FGGY: variants seen among roughly 807,000 people sequenced by gnomAD.
The protein encoded by FGGY is FGGY carbohydrate kinase domain-containing protein.
In FGGY, 72 loss-of-function variants were observed where a neutral mutation model predicts 71.3. That is an observed-to-expected ratio of 1.01 (90% CI 0.84 to 1.23). The LOEUF is 1.23. Ranked by LOEUF, FGGY falls within the 50% of genes most tolerant of loss-of-function variation. The pLI, the probability that FGGY is intolerant of heterozygous loss-of-function variation, is 0.00. For missense variants in FGGY, 668 were observed against 682.3 expected (o/e 0.98, Z 0.23); for synonymous variants, 251 against 250.3 (o/e 1.00, Z -0.02).
chr1:59,309,725 C>T (rs941922842), intron 1 of FGGY, among the ~76,000 whole-genome samples: 3 of 152,124 alleles, frequency 2.0e-5, no homozygotes, highest in Admixed American at 2.0e-4. Context: ...CCTGTAATCC[C>T]AGCACTTTGG....
At chr1:59,561,583 A>G (rs576375378) in intron 8 of FGGY, among the ~76,000 whole-genome samples, 1 of 152,346 alleles carries the variant, frequency 6.6e-6, no homozygotes, top group South Asian at 2.1e-4. Flanking sequence ...TGAGGAGATA[A>G]GCAGTAATAC....
chr1:59,299,337 C>G (rs565608385), intron 1 of FGGY, among the ~76,000 whole-genome samples: 13 of 152,260 alleles, frequency 8.5e-5, no homozygotes, highest in African/African-American at 2.9e-4. Flanking sequence ...CAGGAAGGGT[C>G]TGGTGAATCA....
intron 14 of FGGY, among the ~76,000 whole-genome samples, chr1:59,686,322 G>T (rs571254011): frequency 6.6e-6 from 1 of 152,118 alleles, no homozygotes; most frequent in African/African-American, 2.4e-5. Flanking sequence ...TACAAGCCTG[G>T]CATCAGAGAA....
At chr1:59,451,589 C>CT (rs2072741075) in intron 5 of FGGY, among the ~76,000 whole-genome samples, 1 of 152,008 alleles carries the variant, frequency 6.6e-6, no homozygotes, top group Non-Finnish European at 1.5e-5. Context: ...GAAAGGGTCT[C>CT]AGTGTCTACT....
At chr1:59,578,485 C>T (rs991574764) in intron 8 of FGGY, among the ~76,000 whole-genome samples, 1 of 152,100 alleles carries the variant, frequency 6.6e-6, no homozygotes, top group Admixed American at 6.6e-5. Flanking sequence ...GCCAGCAAGT[C>T]CCCTTCTTGA....
chr1:59,410,905 A>G (rs1247640440), intron 5 of FGGY, among the ~76,000 whole-genome samples: 1 of 152,244 alleles, frequency 6.6e-6, no homozygotes, highest in Non-Finnish European at 1.5e-5. Flanking sequence ...GAAGCATTAG[A>G]TTAATTTTAG....
intron 5 of FGGY, among the ~76,000 whole-genome samples, chr1:59,379,162 A>ACACACACACACAC (rs2059056932): frequency 7.0e-6 from 1 of 143,136 alleles, no homozygotes; most frequent in South Asian, 2.2e-4. Flanking sequence ...GGAAAAAATA[A>ACACACACACACAC]ACACACACAC....
intron 14 of FGGY, among the ~76,000 whole-genome samples, chr1:59,683,007 G>T (rs1573125609): frequency 1.3e-5 from 2 of 152,136 alleles, no homozygotes; most frequent in African/African-American, 2.4e-5. Context: ...CCACAGATGG[G>T]CCCTTTGAAT....
intron 7 of FGGY, among the ~76,000 whole-genome samples, chr1:59,536,031 A>G (rs1570867370): frequency 6.6e-6 from 1 of 151,428 alleles, no homozygotes; most frequent in East Asian, 1.9e-4. Context: ...TCAAAAAATT[A>G]ATGAATCCAG....
intron 4 of FGGY, among the ~76,000 whole-genome samples, chr1:59,371,147 G>T (rs1571159985): frequency 1.3e-5 from 2 of 152,280 alleles, no homozygotes; most frequent in South Asian, 4.2e-4. Context: ...TCAGTGTGTT[G>T]TATTCAGGAA....
At chr1:59,388,741 G>T (rs1415936759) in intron 5 of FGGY, among the ~76,000 whole-genome samples, 1 of 151,818 alleles carries the variant, frequency 6.6e-6, no homozygotes, top group Non-Finnish European at 1.5e-5. Context: ...AATGATTTTT[G>T]CAGATTACAT....
chr1:59,592,084 A>G (rs2096453034), intron 8 of FGGY, among the ~76,000 whole-genome samples: 2 of 152,208 alleles, frequency 1.3e-5, no homozygotes, highest in South Asian at 4.1e-4. Context: ...AACTCAAACA[A>G]ATTTACAAGA....
At chr1:59,553,063 C>T (rs1041476904) in intron 7 of FGGY, among the ~76,000 whole-genome samples, 15 of 152,058 alleles carry the variant, frequency 9.9e-5, no homozygotes, top group African/African-American at 3.1e-4. Context: ...GGCCTGACAG[C>T]GAGGTTGGGG....
chr1:59,743,196 C>T (rs1049776886), intron 14 of FGGY, among the ~76,000 whole-genome samples: 1 of 152,130 alleles, frequency 6.6e-6, no homozygotes, highest in African/African-American at 2.4e-5. Flanking sequence ...TACTTAAGGC[C>T]TTCAGATATG....
At chr1:59,655,052 G>A (rs985582031) in intron 11 of FGGY, among the ~76,000 whole-genome samples, 1 of 151,666 alleles carries the variant, frequency 6.6e-6, no homozygotes, top group Non-Finnish European at 1.5e-5. Context: ...TCCCAGCGCT[G>A]ATGAGCAACT....
At chr1:59,373,682 C>G (rs866006331) in intron 4 of FGGY, among the ~76,000 whole-genome samples, 4,241 of 152,182 alleles carry the variant, frequency 0.028, 197 homozygotes, top group African/African-American at 0.097. Context: ...GTAACCAAAA[C>G]AGCATGGTAC....
intron 8 of FGGY, among the ~76,000 whole-genome samples, chr1:59,561,480 T>A (rs2095792677): frequency 6.6e-6 from 1 of 152,176 alleles, no homozygotes; most frequent in Non-Finnish European, 1.5e-5. Context: ...AGCTTGTTTT[T>A]CAAGACATTT....
In FGGY at chr1:59,565,385, C is replaced by T. The variant is rs543261008; in HGVS notation, c.903+11158C>T. Among the ~76,000 whole-genome samples, 125 of 152,158 alleles carry T rather than the reference C, an allele frequency of 8.2e-4. 1 individual carries two copies. The highest frequency in any genetic ancestry group is 1.3e-3 in the Non-Finnish European group (91 of 68,008). On this transcript the variant is annotated intron_variant, in intron 8 of 15. Coordinates refer to ENST00000303721, the MANE Select transcript of FGGY (RefSeq NM_018291.5). Reference sequence around the variant, plus strand: ...CTGCAAGCTCTGCCTCCCGGGTTCACGCCAGTCTCCTGCCTCAGCCTCCTG... The same window carrying T: ...CTGCAAGCTCTGCCTCCCGGGTTCATGCCAGTCTCCTGCCTCAGCCTCCTG...
intron 14 of FGGY, among the ~76,000 whole-genome samples, chr1:59,700,069 GTGTC>G (rs2097697393): frequency 1.3e-5 from 2 of 152,102 alleles, no homozygotes; most frequent in Admixed American, 1.3e-4. Context: ...AATCATAAAT[GTGTC>G]TGTTACAAAC....
Sources: allele counts gnomAD v4.1 joint callset (sites outside exome capture counted in the v4.1 genomes callset), GRCh38; gene constraint gnomAD v4.1.1; transcripts MANE v1.5; gene names NCBI Gene and HGNC (gene_info 2026-07-23, HGNC 2026-07-21).